Variants in RCBTB1 observed in about 807,000 individuals in gnomAD.
RCBTB1 encodes the protein RCC1 and BTB domain containing protein 1.
RCBTB1 carries 46 observed loss-of-function variants against 62.4 expected under a neutral mutation model. That is an observed-to-expected ratio of 0.74 (90% CI 0.58 to 0.94). The LOEUF (loss-of-function observed/expected upper bound fraction) is 0.94, where lower values mean the gene tolerates loss of function less well. Among genes scored for constraint, RCBTB1 ranks in the 40% least tolerant of loss-of-function variants. The pLI is 0.00. For missense variants in RCBTB1, 565 were observed against 654.9 expected (o/e 0.86, Z 1.50); for synonymous variants, 222 against 245.8 (o/e 0.90, Z 0.91).
chr13:49,571,386 T>C (rs1963390044), intron 2 of RCBTB1, among the ~76,000 whole-genome samples: 1 of 152,122 alleles, frequency 6.6e-6, no homozygotes, highest in Non-Finnish European at 1.5e-5. Context: ...TAAAAAGCAT[T>C]CCGCAAAATG....
At chr13:49,583,034 G>A (rs149880080) in intron 1 of RCBTB1, among the ~76,000 whole-genome samples, 1 of 152,150 alleles carries the variant, frequency 6.6e-6, no homozygotes, top group Non-Finnish European at 1.5e-5. Context: ...AAAATTAGTC[G>A]AATGTGGTGG....
At position 49,585,503 on chromosome 13, in the gene RCBTB1, A is replaced by G. The variant is rs540984471; in HGVS notation, c.-181T>C. The G allele has an allele frequency of 6.6e-6, 1 of 152,058 alleles. No individual in the cohort carries two copies. The highest frequency in any genetic ancestry group is 2.4e-5 in the African/African-American group (1 of 41,544). 9.4% of individuals were successfully genotyped at this position (152,058 alleles called of 1,614,324 possible). On this transcript the variant is annotated 5_prime_UTR_variant, in exon 1 of 13. Coordinates refer to ENST00000378302, the MANE Select transcript of RCBTB1 (RefSeq NM_018191.4). ...GACCGCAGGGATCTCCGAAGCTCCA[A>G]TGGGCGCAGAAGTGCGAGCGAGCGG...
chr13:49,585,221 C>T (rs796582177), intron 1 of RCBTB1, among the ~76,000 whole-genome samples: 7 of 152,308 alleles, frequency 4.6e-5, no homozygotes, highest in African/African-American at 1.7e-4. Context: ...CCCTCCTCCT[C>T]GCAGGAGAGC....
In RCBTB1 at chr13:49,567,167, G is replaced by A; in HGVS notation, c.113C>T (p.Thr38Ile). The change falls in exon 3 of 13, where the codon ACT becomes ATT. Residue 38 changes from threonine to isoleucine, a missense_variant. By Grantham distance (89) the Thr-to-Ile change is moderately conservative. Transcript: ENST00000378302. ...GTSASEALYV[T>I]DNDEVFVFGL... ...AGAGACTCTTACCTCATCATTGTCA[G>A]TAACGTACAGTGCTTCACTGGCTGA... is the stretch of plus-strand genomic sequence containing the variant. 1.2e-6 allele frequency: 2 copies of A among 1,614,064 alleles called. No individual in the cohort carries two copies. Among genetic ancestry groups the A allele is most frequent in the Non-Finnish European group, 1.7e-6 (2 of 1,179,966 alleles).
chr13:49,583,729 G>A (rs1964235312), intron 1 of RCBTB1, among the ~76,000 whole-genome samples: 1 of 152,030 alleles, frequency 6.6e-6, no homozygotes, highest in African/African-American at 2.4e-5. Context: ...TGTATTTTTA[G>A]TAGAGACGGG....
At chr13:49,543,224 A>C (rs1264191771) in intron 10 of RCBTB1, among the ~76,000 whole-genome samples, 2 of 152,176 alleles carry the variant, frequency 1.3e-5, no homozygotes, top group Non-Finnish European at 2.9e-5. Flanking sequence ...GTATTACGCC[A>C]CTGCACTCTA....
intron 10 of RCBTB1, among the ~76,000 whole-genome samples, chr13:49,544,073 A>C (rs1293064087): frequency 1.3e-5 from 2 of 152,238 alleles, no homozygotes; most frequent in African/African-American, 4.8e-5. Context: ...ATCTATAATT[A>C]AAAGAGGGCA....
At chr13:49,562,312 G>A (rs1962503333) in intron 4 of RCBTB1, among the ~76,000 whole-genome samples, 1 of 151,634 alleles carries the variant, frequency 6.6e-6, no homozygotes, top group Non-Finnish European at 1.5e-5. Context: ...AACACAGATG[G>A]GAGAGAACAT....
At chr13:49,578,171 A>G (rs754342178) in intron 2 of RCBTB1, among the ~76,000 whole-genome samples, 9 of 152,202 alleles carry the variant, frequency 5.9e-5, no homozygotes, top group Non-Finnish European at 1.2e-4. Context: ...CTGATAGAAA[A>G]TGGCATAGTA....
intron 3 of RCBTB1, 58 bp from the exon 4 acceptor site, chr13:49,566,826 C>A (rs182797692): frequency 9.0e-5 from 132 of 1,466,106 alleles, no homozygotes; most frequent in Admixed American, 1.7e-4. Context: ...ATTAAAAGCT[C>A]CCTTCTCTCC....
chr13:49,539,602 AT>A (rs1960200454), intron 12 of RCBTB1: 1 of 152,180 alleles, frequency 6.6e-6, no homozygotes, highest in Admixed American at 6.5e-5. Context: ...CCGTCACCAA[AT>A]GGACAGAAAA....
intron 3 of RCBTB1, 82 bp from the exon 4 acceptor site, chr13:49,566,850 C>G (rs1320714815): frequency 4.6e-6 from 6 of 1,314,540 alleles, no homozygotes; most frequent in Non-Finnish European, 5.2e-6. Context: ...GAAAATAAGA[C>G]ATTTCAACTA....
chr13:49,555,432 A>C lies in RCBTB1; in HGVS notation c.603+83T>G, dbSNP rs942352746. ...AAAACAAAGCACTCTTCCTTCTTCC[A>C]TCTGATACATTCACCTTGTGAAGAA... On this transcript the variant is annotated intron_variant, in intron 6 of 12. Transcript: ENST00000378302. 4 of 1,155,130 alleles carry C rather than the reference A, an allele frequency of 3.5e-6. No individual in the cohort carries two copies. The African/African-American group carries it at 6.1e-5, about 17-fold the overall frequency. The allele number at this position is 1,155,130 out of a possible 1,614,324, so 71.6% of individuals were successfully genotyped here. A position where few individuals can be genotyped will look rare whatever the true frequency, so the allele number is the denominator to read the frequency against.
At chr13:49,550,856 C>A (rs2139177248) in intron 8 of RCBTB1, among the ~76,000 whole-genome samples, 1 of 152,328 alleles carries the variant, frequency 6.6e-6, no homozygotes, top group Middle Eastern at 3.4e-3. Context: ...AATCCCAGCA[C>A]TTTGGGAGGC....
chr13:49,566,266 AAAATAAAAT>A (rs1962998949), intron 4 of RCBTB1, among the ~76,000 whole-genome samples: 1 of 88,822 alleles, frequency 1.1e-5, no homozygotes. Context: ...ATAAAAAAAT[AAAATAAAAT>A]AAATAAATAA....
rs984793257 is a variant in RCBTB1 at position 49,555,758 on chromosome 13, A to G, written c.445-85T>C. On this transcript the variant is annotated intron_variant, in intron 5 of 12. Coordinates refer to ENST00000378302, the MANE Select transcript of RCBTB1 (RefSeq NM_018191.4). ...ACAAATAATCATAAAAATTAAAATT[A>G]TCCTACTTAATGAGTACTTAAGATG... 3 of 996,136 alleles carry G rather than the reference A, an allele frequency of 3.0e-6. No individual in the cohort carries two copies. The African/African-American group carries it at 5.0e-5, about 16-fold the overall frequency. The allele number at this position is 996,136 out of a possible 1,614,324, so 61.7% of individuals were successfully genotyped here.
At chr13:49,556,105 A>T (rs1326860363) in intron 5 of RCBTB1, among the ~76,000 whole-genome samples, 1 of 152,190 alleles carries the variant, frequency 6.6e-6, no homozygotes, top group Non-Finnish European at 1.5e-5. Flanking sequence ...TATATGCCAC[A>T]TAAGTATTAG....
intron 4 of RCBTB1, among the ~76,000 whole-genome samples, chr13:49,565,226 G>A (rs868626471): frequency 5.5e-4 from 83 of 152,278 alleles, no homozygotes; most frequent in African/African-American, 1.8e-3. Context: ...TGTGTTGGCC[G>A]GGTTGGTCTC....
intron 4 of RCBTB1, among the ~76,000 whole-genome samples, chr13:49,565,355 C>T (rs868475139): frequency 2.6e-5 from 4 of 152,148 alleles, no homozygotes; most frequent in Middle Eastern, 3.4e-3. Context: ...GGTGTGATCT[C>T]GGCTAGCTAC....
Sources: allele counts gnomAD v4.1 joint callset (sites outside exome capture counted in the v4.1 genomes callset), GRCh38; gene constraint gnomAD v4.1.1; transcripts MANE v1.5; gene names NCBI Gene and HGNC (gene_info 2026-07-23, HGNC 2026-07-21).